The following TAFA5 variants were observed in gnomAD, a reference collection of about 807,000 sequenced individuals.
The protein encoded by TAFA5 is chemokine-like protein TAFA-5.
In TAFA5, 6 loss-of-function variants were observed where a neutral mutation model predicts 15.3. The ratio of observed to expected loss-of-function variants is 0.39; its 90% CI spans 0.21 to 0.77. The LOEUF (loss-of-function observed/expected upper bound fraction) is 0.77, where lower values mean the gene tolerates loss of function less well. Ranked by LOEUF, TAFA5 falls within the 30% of genes least tolerant of loss-of-function variation. The pLI is 0.41. For synonymous variants in TAFA5, 103 were observed against 80.7 expected (o/e 1.28, Z -1.48); for missense variants, 161 against 193.1 (o/e 0.83, Z 0.98).
intron 3 of TAFA5, among the ~76,000 whole-genome samples, chr22:48,715,094 C>G (rs1237104193): frequency 6.6e-6 from 1 of 152,234 alleles, no homozygotes; most frequent in Non-Finnish European, 1.5e-5. Context: ...ATTTCCAAAT[C>G]AAGTCAGATT....
At chr22:48,716,605 C>T (rs1328924123) in intron 3 of TAFA5, among the ~76,000 whole-genome samples, 1 of 151,976 alleles carries the variant, frequency 6.6e-6, no homozygotes, top group African/African-American at 2.4e-5. Context: ...TTGATAGGTG[C>T]AGCAAACCAC....
At chr22:48,579,389 G>T (rs1361875252) in intron 1 of TAFA5, among the ~76,000 whole-genome samples, 3 of 152,192 alleles carry the variant, frequency 2.0e-5, no homozygotes, top group Non-Finnish European at 2.9e-5. Context: ...ACCCTCCTCT[G>T]GGAGGGGAGA....
chr22:48,611,657 G>A (rs574143372), intron 1 of TAFA5, among the ~76,000 whole-genome samples: 148 of 152,200 alleles, frequency 9.7e-4, no homozygotes, highest in Middle Eastern at 3.4e-3. Context: ...TTGTGTCCAC[G>A]TGGGCTGGCC....
intron 3 of TAFA5, among the ~76,000 whole-genome samples, chr22:48,730,546 C>T (rs571197016): frequency 2.3e-4 from 35 of 152,338 alleles, no homozygotes; most frequent in Admixed American, 7.8e-4. Flanking sequence ...TGTGGCAGCC[C>T]TGCCTTGAAC....
At chr22:48,539,090 C>T (rs970673331) in intron 1 of TAFA5, 7 of 262,436 alleles carry the variant, frequency 2.7e-5, no homozygotes, top group Admixed American at 1.8e-4. Flanking sequence ...CTTCCAGCTC[C>T]GAGCTGCTGG....
At chr22:48,553,552 T>G (rs1922929737) in intron 1 of TAFA5, among the ~76,000 whole-genome samples, 1 of 152,132 alleles carries the variant, frequency 6.6e-6, no homozygotes, top group Non-Finnish European at 1.5e-5. Flanking sequence ...GTCCCAGGGA[T>G]GAGTCCTGGG....
At chr22:48,748,800 C>T (rs1312270444) in intron 3 of TAFA5, among the ~76,000 whole-genome samples, 1 of 152,174 alleles carries the variant, frequency 6.6e-6, no homozygotes, top group African/African-American at 2.4e-5. Context: ...TCATCATCAC[C>T]GCCCCTGGCT....
At chr22:48,620,418 G>A (rs981423813) in intron 1 of TAFA5, among the ~76,000 whole-genome samples, 1 of 152,028 alleles carries the variant, frequency 6.6e-6, no homozygotes, top group African/African-American at 2.4e-5. Context: ...TTTGGAGTTG[G>A]ACTTTTCTGA....
chr22:48,728,261 C>T (rs2147265334), intron 3 of TAFA5, among the ~76,000 whole-genome samples: 1 of 152,280 alleles, frequency 6.6e-6, no homozygotes, highest in Admixed American at 6.5e-5. Flanking sequence ...AAAATTGAGA[C>T]TTACACCAAA....
intron 1 of TAFA5, among the ~76,000 whole-genome samples, chr22:48,582,679 CG>C (rs1924111427): frequency 1.3e-5 from 2 of 148,286 alleles, no homozygotes; most frequent in African/African-American, 2.5e-5. Flanking sequence ...ACACCACACA[CG>C]AAATACACCA....
intron 2 of TAFA5, among the ~76,000 whole-genome samples, chr22:48,659,445 C>G (rs1374502735): frequency 6.6e-6 from 1 of 152,234 alleles, no homozygotes. Flanking sequence ...CAGATTCTGC[C>G]TTCTCAGGGG....
chr22:48,511,754 C>A (rs1921220895), intron 1 of TAFA5, among the ~76,000 whole-genome samples: 1 of 152,258 alleles, frequency 6.6e-6, no homozygotes, highest in African/African-American at 2.4e-5. Context: ...AATGAAGCAT[C>A]ACCTGTGGAA....
intron 1 of TAFA5, among the ~76,000 whole-genome samples, chr22:48,637,730 G>C (rs559177087): frequency 1.3e-5 from 2 of 151,994 alleles, no homozygotes; most frequent in Non-Finnish European, 2.9e-5. Flanking sequence ...CTGGGACGAG[G>C]CAGAGTAGAA....
rs1194031003 is a variant in TAFA5 at position 48,641,171 on chromosome 22, GCCA to G, written c.113-5425_113-5423del. Among the ~76,000 whole-genome samples the G allele has an allele frequency of 8.9e-3, 1,346 of 151,444 alleles. 74 individuals are homozygous for G. The highest frequency in any genetic ancestry group is 0.034 in the East Asian group (173 of 5,062). ...ACCGTGGGGGCACCGTGGCCCCCCT[GCCA>G]GGGCAGTGGGAACAGTGGTCCGTGG... is the stretch of plus-strand genomic sequence containing the variant. On this transcript the variant is annotated intron_variant, in intron 1 of 3. Transcript: ENST00000402357.
chr22:48,586,233 C>G (rs998568739), intron 1 of TAFA5, among the ~76,000 whole-genome samples: 1 of 152,278 alleles, frequency 6.6e-6, no homozygotes, highest in African/African-American at 2.4e-5. Context: ...TGGCTCTCTT[C>G]TCTCTATGAC....
intron 1 of TAFA5, among the ~76,000 whole-genome samples, chr22:48,629,736 TCAC>T (rs1046630714): frequency 6.6e-6 from 1 of 152,144 alleles, no homozygotes; most frequent in African/African-American, 2.4e-5. Flanking sequence ...TATGTCCACA[TCAC>T]CACTGCAGGA....
chr22:48,745,098 G>A (rs1189996572), intron 3 of TAFA5, among the ~76,000 whole-genome samples: 1 of 152,200 alleles, frequency 6.6e-6, no homozygotes, highest in African/African-American at 2.4e-5. Flanking sequence ...AGCCTGTGAG[G>A]GTGTCTCAGC....
At chr22:48,641,158 C>G (rs1219400709) in intron 1 of TAFA5, among the ~76,000 whole-genome samples, 3 of 151,774 alleles carry the variant, frequency 2.0e-5, no homozygotes, top group Non-Finnish European at 4.4e-5. Context: ...CGTGGGGGCA[C>G]CGTGGCCCCC....
chr22:48,566,959 C>T lies in TAFA5; in HGVS notation c.112+77255C>T, dbSNP rs925869234. ...CTTTGCTCCGCAGCACTGCTGCCTG[C>T]GGACTGGCCGCACTGGATTCCCCTT... is the stretch of plus-strand genomic sequence containing the variant. On this transcript the variant is annotated intron_variant, in intron 1 of 3. Transcript: ENST00000402357. The surrounding 1 kb of genome is among the most constrained non-coding windows in gnomAD (Gnocchi z 4.5). 1.3e-5 allele frequency among the ~76,000 whole-genome samples: 2 copies of T among 152,216 alleles called. No homozygotes were observed. Among genetic ancestry groups the T allele is most frequent in the African/African-American group, 2.4e-5 (1 of 41,460 alleles).
Sources: gnomAD v4.1 joint callset for allele counts (sites outside exome capture counted in the v4.1 genomes callset) on GRCh38, gnomAD v4.1.1 for gene constraint, Gnocchi (gnomAD v3.1) non-coding constraint, MANE v1.5 for transcripts, NCBI Gene and HGNC (gene_info 2026-07-23, HGNC 2026-07-21) for gene names.